Variants in ALG14 observed in about 807,000 individuals in gnomAD.
ALG14 encodes the protein UDP-N-acetylglucosamine transferase subunit ALG14.
ALG14 carries 17 observed loss-of-function variants against 22.8 expected under a neutral mutation model. The observed-to-expected ratio is 0.75, with a 90% CI of 0.51 to 1.12. The LOEUF (loss-of-function observed/expected upper bound fraction) is 1.12, where lower values mean the gene tolerates loss of function less well. Among genes scored for constraint, ALG14 ranks in the 50% most tolerant of loss-of-function variants. ALG14 has a pLI of 0.00. For synonymous variants in ALG14, 89 were observed against 103.7 expected (o/e 0.86, Z 0.86); for missense variants, 288 against 271.8 (o/e 1.06, Z -0.42).
intron 2 of ALG14, among the ~76,000 whole-genome samples, chr1:95,049,189 A>G (rs1158738763): frequency 6.6e-6 from 1 of 152,140 alleles, no homozygotes; most frequent in Non-Finnish European, 1.5e-5. Flanking sequence ...TTTTTCTTGC[A>G]TGAGGGCTAT....
At chr1:95,071,605 A>C (rs144035478) in intron 1 of ALG14, among the ~76,000 whole-genome samples, 61 of 152,296 alleles carry the variant, frequency 4.0e-4, no homozygotes, top group African/African-American at 1.3e-3. Flanking sequence ...ACCTCCCTAC[A>C]TTGAACTCTA....
intron 3 of ALG14, among the ~76,000 whole-genome samples, chr1:95,012,440 G>T (rs1673393161): frequency 6.6e-6 from 1 of 152,208 alleles, no homozygotes; most frequent in South Asian, 2.1e-4. Context: ...CTATTTTACA[G>T]TTGTTTCGTC....
At chr1:94,997,805 T>C (rs1000408449) in intron 3 of ALG14, among the ~76,000 whole-genome samples, 5 of 152,232 alleles carry the variant, frequency 3.3e-5, no homozygotes, top group Admixed American at 1.3e-4. Context: ...TCACAATAAA[T>C]ACCAAAAGGT....
intron 2 of ALG14, among the ~76,000 whole-genome samples, chr1:95,048,053 T>C (rs1025047625): frequency 2.0e-5 from 3 of 152,188 alleles, no homozygotes; most frequent in African/African-American, 4.8e-5. Context: ...TAACCACTCA[T>C]AGTCCTGCCA....
rs1482988136 is a variant in ALG14, at chr1:94,975,935, T to A, written c.*7141A>T. ...GGGAGGCTGAGGCAGGACAATGGCG[T>A]GAACCCAGGAGGCGGAGCTTGCAGT... On this transcript the variant is annotated 3_prime_UTR_variant, in exon 4 of 4. Transcript: ENST00000370205. 1.4e-5 allele frequency: 2 copies of A among 142,908 alleles called. No homozygotes were observed. The highest frequency in any genetic ancestry group is 3.0e-5 in the Non-Finnish European group (2 of 67,116). 8.9% of individuals were successfully genotyped at this position (142,908 alleles called of 1,614,324 possible).
intron 1 of ALG14, 67 bp downstream of exon 1, chr1:95,072,696 C>A: frequency 6.3e-7 from 1 of 1,583,210 alleles, no homozygotes; most frequent in Non-Finnish European, 8.6e-7. Flanking sequence ...CAGGGAAGAG[C>A]GTCGCGGTGC....
chr1:95,072,322 T>C (rs748762822), intron 1 of ALG14, among the ~76,000 whole-genome samples: 1 of 152,206 alleles, frequency 6.6e-6, no homozygotes, highest in Non-Finnish European at 1.5e-5. Context: ...CCGTAGATCA[T>C]TGTTTTTATC....
intron 3 of ALG14, among the ~76,000 whole-genome samples, chr1:94,999,949 A>G (rs1042883755): frequency 6.7e-6 from 1 of 149,084 alleles, no homozygotes; most frequent in Non-Finnish European, 1.5e-5. Flanking sequence ...TCCCACCCAC[A>G]TTCCCAGCCC....
At chr1:95,041,740 T>TC (rs1191356211) in intron 2 of ALG14, 1 of 152,066 alleles carries the variant, frequency 6.6e-6, no homozygotes, top group African/African-American at 2.4e-5. Context: ...ACAGTCTCAG[T>TC]CCACTGTGCG....
chr1:95,066,867 G>GA (rs562839121), intron 1 of ALG14, among the ~76,000 whole-genome samples: 174 of 143,974 alleles, frequency 1.2e-3, no homozygotes, highest in African/African-American at 3.6e-3. Flanking sequence ...TCTCAAAAAA[G>GA]AAAAAAAAAA....
Position 95,034,693 on chromosome 1 carries a change from G to C in ALG14, c.289-7433C>G, listed in dbSNP as rs1224696316. ...CTCTAGATCTTGCTTGGATCTCTGT[G>C]TCTCACTGCTGAGGAGCTGCTTTCC... On this transcript the variant is annotated intron_variant, in intron 2 of 3. Transcript: ENST00000370205. Among the ~76,000 whole-genome samples, 4 of 152,230 alleles carry C rather than the reference G, an allele frequency of 2.6e-5. No homozygotes were observed. In the East Asian group the frequency reaches 7.7e-4, roughly 29 times the overall value.
intron 3 of ALG14, 191 bp from the exon 4 acceptor site, chr1:94,983,497 T>C (rs994705318): frequency 3.5e-6 from 2 of 579,684 alleles, no homozygotes; most frequent in Non-Finnish European, 6.1e-6. Context: ...CAGAGCTGTG[T>C]TGTCTTGGCT....
At chr1:95,043,363 G>A (rs1289265607) in intron 2 of ALG14, among the ~76,000 whole-genome samples, 2 of 152,108 alleles carry the variant, frequency 1.3e-5, no homozygotes, top group Non-Finnish European at 2.9e-5. Flanking sequence ...GAGCACTCTT[G>A]GCATCTGGTG....
chr1:95,000,403 A>G (rs1673031066), intron 3 of ALG14, among the ~76,000 whole-genome samples: 1 of 151,680 alleles, frequency 6.6e-6, no homozygotes, highest in Admixed American at 6.6e-5. Flanking sequence ...GCTGGGTGGC[A>G]TGCACCTGTG....
intron 3 of ALG14, among the ~76,000 whole-genome samples, chr1:95,005,855 T>G (rs1370559174): frequency 6.6e-6 from 1 of 152,226 alleles, no homozygotes; most frequent in East Asian, 1.9e-4. Context: ...TACTTGGGAC[T>G]GTCTTACATC....
chr1:95,004,774 C>A (rs1308426210), intron 3 of ALG14, among the ~76,000 whole-genome samples: 1 of 151,952 alleles, frequency 6.6e-6, no homozygotes, highest in East Asian at 1.9e-4. Flanking sequence ...GGATTACAGG[C>A]ATGAGCCACC....
intron 1 of ALG14, among the ~76,000 whole-genome samples, chr1:95,070,475 G>C (rs138115881): frequency 8.5e-5 from 13 of 152,244 alleles, no homozygotes; most frequent in Admixed American, 5.2e-4. Flanking sequence ...CTGTATGTTG[G>C]CCTTTGTATG....
At chr1:94,985,022 A>G (rs1672604726) in intron 3 of ALG14, among the ~76,000 whole-genome samples, 1 of 152,174 alleles carries the variant, frequency 6.6e-6, no homozygotes, top group Non-Finnish European at 1.5e-5. Context: ...AGCAAGTTGT[A>G]TCATCCCTTT....
chr1:94,982,060 G>A lies in ALG14; in HGVS notation c.*1016C>T, dbSNP rs921785459. On this transcript the variant is annotated 3_prime_UTR_variant, in exon 4 of 4. Transcript: ENST00000370205. ...TGGCTTTGCTACTTACTACTCATGT[G>A]ATCTTGGACAAGTCATCTGTAAAAT... 6.6e-6 allele frequency: 1 copy of A among 150,690 alleles called. No individual in the cohort carries two copies. The highest frequency in any genetic ancestry group is 1.5e-5 in the Non-Finnish European group (1 of 67,818). The allele number at this position is 150,690 out of a possible 1,614,324, so 9.3% of individuals were successfully genotyped here.
Sources: allele counts gnomAD v4.1 joint callset (sites outside exome capture counted in the v4.1 genomes callset), GRCh38; gene constraint gnomAD v4.1.1; transcripts MANE v1.5; gene names NCBI Gene and HGNC (gene_info 2026-07-23, HGNC 2026-07-21).